The following CDK5RAP2 variants were observed in gnomAD, a reference collection of about 807,000 sequenced individuals.
CDK5RAP2 encodes the protein CDK5 regulatory subunit-associated protein 2.
Under a neutral mutation model 232.9 loss-of-function variants are expected in CDK5RAP2, and 147 were observed. The ratio of observed to expected loss-of-function variants is 0.63; its 90% CI spans 0.55 to 0.72. The LOEUF (loss-of-function observed/expected upper bound fraction) is 0.72. Ranked by LOEUF, CDK5RAP2 falls within the 30% of genes least tolerant of loss-of-function variation. CDK5RAP2 has a pLI of 0.00. For missense variants in CDK5RAP2, 2,195 were observed against 2,231.5 expected, an observed-to-expected ratio of 0.98 and a Z score of 0.33; for synonymous variants, 833 against 833.7, an observed-to-expected ratio of 1.00 and a Z score of 0.01.
At chr9:120,427,144 T>C (rs1338341008) in intron 25 of CDK5RAP2, among the ~76,000 whole-genome samples, 1 of 152,222 alleles carries the variant, frequency 6.6e-6, no homozygotes, top group Admixed American at 6.5e-5. Flanking sequence ...ATTGGGTTTT[T>C]TGTTTGGCCA....
rs1461435290 is a variant in CDK5RAP2, at chr9:120,439,795, G to A, written c.3326C>T (p.Thr1109Ile). Residue 1109 changes from threonine (T) to isoleucine (I), a missense_variant, in exon 24 of 38, where the codon ACA becomes ATA. Coordinates refer to ENST00000349780, the MANE Select transcript of CDK5RAP2 (RefSeq NM_018249.6). ...QSESINTSNETEYLKQKIHDL... is the reference protein window; with the variant it reads ...QSESINTSNEIEYLKQKIHDL... ...ATGGATTTTCTGTTTTAAGTATTCT[G>A]TCTCATTTGAGGTATTAATGCTCTC... is the stretch of plus-strand genomic sequence containing the variant. 6.2e-7 allele frequency: 1 copy of A among 1,614,132 alleles called. No individual in the cohort carries two copies. Among genetic ancestry groups the A allele is most frequent in the Admixed American group, 1.7e-5 (1 of 60,024 alleles).
chr9:120,389,835 G>C (rs1227690812), intron 36 of CDK5RAP2, 48 bp from the exon 37 acceptor site: 1 of 1,582,866 alleles, frequency 6.3e-7, no homozygotes, highest in South Asian at 1.1e-5. Context: ...GGATATCCAG[G>C]AGAGCTGTGT....
At chr9:120,527,256 T>C (rs548547603) in intron 10 of CDK5RAP2, among the ~76,000 whole-genome samples, 1 of 152,338 alleles carries the variant, frequency 6.6e-6, no homozygotes, top group Admixed American at 6.5e-5. Flanking sequence ...AGGCAGCTCT[T>C]TAACTGGCTC....
chr9:120,418,087 C>T (rs560347580), intron 27 of CDK5RAP2, among the ~76,000 whole-genome samples: 7 of 152,214 alleles, frequency 4.6e-5, no homozygotes, highest in South Asian at 2.1e-4. Context: ...ATCTCTCTAC[C>T]GAATCATAAA....
intron 25 of CDK5RAP2, among the ~76,000 whole-genome samples, chr9:120,429,107 C>G (rs1378577037): frequency 1.3e-5 from 2 of 152,166 alleles, no homozygotes; most frequent in Non-Finnish European, 2.9e-5. Context: ...CGAACGTTAT[C>G]TCAAAATAAT....
At chr9:120,566,133 T>C (rs1408837903) in intron 3 of CDK5RAP2, among the ~76,000 whole-genome samples, 1 of 152,198 alleles carries the variant, frequency 6.6e-6, no homozygotes, top group South Asian at 2.1e-4. Flanking sequence ...CTCCTTAATA[T>C]GCATGCTCTT....
intron 21 of CDK5RAP2, 43 bp downstream of exon 21, chr9:120,453,413 T>G (rs745909825): frequency 6.4e-6 from 10 of 1,550,720 alleles, no homozygotes; most frequent in Non-Finnish European, 8.8e-6. Context: ...AAGTTTTTTG[T>G]TTGGATAAAG....
chr9:120,487,288 G>A lies in CDK5RAP2; in HGVS notation c.1626+6C>T. 1 of 1,613,956 alleles carries A rather than the reference G, an allele frequency of 6.2e-7. No individual in the cohort carries two copies. Among genetic ancestry groups the A allele is most frequent in the Non-Finnish European group, 8.5e-7 (1 of 1,179,956 alleles). The stretch of plus-strand genomic sequence containing the variant: ...CATGTGAATGTCCAATTTCAGTCAA[G>A]CTTACCTTAGAGAAGATGGTTTTGC... On this transcript the variant is annotated splice_donor_region_variant and intron_variant, in intron 14 of 37. Transcript: ENST00000349780.
At chr9:120,564,923 G>C (rs374211994) in intron 3 of CDK5RAP2, among the ~76,000 whole-genome samples, 83 of 152,292 alleles carry the variant, frequency 5.5e-4, no homozygotes, top group African/African-American at 2.0e-3. Context: ...GGCCTCCTCT[G>C]GTCTAGGGAG....
chr9:120,446,381 C>G (rs150586611), intron 22 of CDK5RAP2, among the ~76,000 whole-genome samples: 1 of 152,268 alleles, frequency 6.6e-6, no homozygotes, highest in African/African-American at 2.4e-5. Flanking sequence ...CACGCGCCAC[C>G]ATGCCTGGCT....
rs1230595806 is a variant in CDK5RAP2, at chr9:120,572,053, C to A, written c.60-12G>T. On this transcript the variant is annotated splice_polypyrimidine_tract_variant and intron_variant, in intron 1 of 37. Coordinates refer to ENST00000349780, the MANE Select transcript of CDK5RAP2 (RefSeq NM_018249.6). ...TGGGAACAAGGCCACTAGGAGAGAACACATGAGATAAGAGATGAGCTAATG... is the reference window on the plus strand; with the variant it reads ...TGGGAACAAGGCCACTAGGAGAGAAAACATGAGATAAGAGATGAGCTAATG... The A allele has an allele frequency of 6.2e-7, 1 of 1,600,990 alleles. No individual in the cohort carries two copies. The highest frequency in any genetic ancestry group is 2.2e-5 in the East Asian group (1 of 44,820).
chr9:120,394,370 G>C, intron 36 of CDK5RAP2, 142 bp downstream of exon 36: 1 of 1,324,176 alleles, frequency 7.6e-7, no homozygotes, highest in Non-Finnish European at 1.1e-6. Context: ...AGTCAGAAAG[G>C]ATGGAGTATG....
chr9:120,449,441 T>C (rs2036369407), intron 21 of CDK5RAP2, among the ~76,000 whole-genome samples: 2 of 152,218 alleles, frequency 1.3e-5, no homozygotes, highest in Non-Finnish European at 2.9e-5. Flanking sequence ...CACCAACCTG[T>C]AAGCTCCAGG....
intron 25 of CDK5RAP2, among the ~76,000 whole-genome samples, chr9:120,429,690 T>C (rs2035153454): frequency 6.6e-6 from 1 of 152,176 alleles, no homozygotes; most frequent in African/African-American, 2.4e-5. Context: ...CTGCTCAAGG[T>C]AATTTATAGA....
At chr9:120,499,398 T>A (rs942657883) in intron 12 of CDK5RAP2, among the ~76,000 whole-genome samples, 1 of 152,046 alleles carries the variant, frequency 6.6e-6, no homozygotes, top group Non-Finnish European at 1.5e-5. Flanking sequence ...GTTTTTTTTT[T>A]AAAGGTACTT....
At chr9:120,526,119 A>G (rs944907704) in intron 10 of CDK5RAP2, among the ~76,000 whole-genome samples, 1 of 151,968 alleles carries the variant, frequency 6.6e-6, no homozygotes, top group Admixed American at 6.6e-5. Flanking sequence ...TTCCCATTCT[A>G]TACTCTCCTT....
Position 120,402,992 on chromosome 9 carries a change from C to A in CDK5RAP2, c.5121G>T (p.Pro1707=), listed in dbSNP as rs748889605. 1 of 1,614,180 alleles carries A rather than the reference C, an allele frequency of 6.2e-7. No homozygotes were observed. Among genetic ancestry groups the A allele is most frequent in the East Asian group, 2.2e-5 (1 of 44,884 alleles). The change falls in exon 34 of 38, where the codon CCG becomes CCT. Residue 1707 remains proline (P), a synonymous_variant. Coordinates refer to ENST00000349780, the MANE Select transcript of CDK5RAP2 (RefSeq NM_018249.6). Reference sequence around the variant, plus strand: ...GGCCAGTGACCAGGCGGGACACACACGGAGTGCTAGTTGCCGAACTGCCAC... The same window carrying A: ...GGCCAGTGACCAGGCGGGACACACAAGGAGTGCTAGTTGCCGAACTGCCAC... ...CDSGSSATST[P]CVSRLVTGHH... is the part of the protein sequence containing the mutation.
In CDK5RAP2 at chr9:120,403,632, C is replaced by T. The variant is rs1412309258; in HGVS notation, c.5041+404G>A. ...AGTCTTGAGGAAACGGGACTTCTACCGGCAAAGAGTGGGACAAAGGGGGTC... is the reference window on the plus strand; with the variant it reads ...AGTCTTGAGGAAACGGGACTTCTACTGGCAAAGAGTGGGACAAAGGGGGTC... On this transcript the variant is annotated intron_variant, in intron 33 of 37. Coordinates refer to ENST00000349780, the MANE Select transcript of CDK5RAP2 (RefSeq NM_018249.6). The surrounding 1 kb of genome is among the most constrained non-coding windows in gnomAD (Gnocchi z 4.2). 1.7e-5 allele frequency: 5 copies of T among 301,990 alleles called. No homozygotes were observed. The highest frequency in any genetic ancestry group is 7.0e-5 in the South Asian group (2 of 28,676). 18.7% of individuals were successfully genotyped at this position (301,990 alleles called of 1,614,324 possible).
chr9:120,442,874 T>A (rs566379826), intron 23 of CDK5RAP2, among the ~76,000 whole-genome samples: 3 of 152,128 alleles, frequency 2.0e-5, no homozygotes, highest in African/African-American at 7.2e-5. Context: ...GGTGTCCCCA[T>A]GGCCATCCCA....
Sources: gnomAD v4.1 joint callset for allele counts (sites outside exome capture counted in the v4.1 genomes callset) on GRCh38, gnomAD v4.1.1 for gene constraint, Gnocchi (gnomAD v3.1) non-coding constraint, MANE v1.5 for transcripts, NCBI Gene and HGNC (gene_info 2026-07-23, HGNC 2026-07-21) for gene names.